HTR1F: variants seen among roughly 807,000 people sequenced by gnomAD.
The protein encoded by HTR1F is 5-hydroxytryptamine (serotonin) receptor 1F, G protein-coupled.
HTR1F carries 17 observed loss-of-function variants against 24.0 expected under a neutral mutation model. The ratio of observed to expected loss-of-function variants is 0.71; its 90% confidence interval spans 0.48 to 1.06. HTR1F has a LOEUF of 1.06. Ranked by LOEUF, HTR1F falls within the 50% of genes least tolerant of loss-of-function variation. HTR1F has a pLI of 0.00. For synonymous variants in HTR1F, 186 were observed against 156.8 expected (o/e 1.19, Z -1.39); for missense variants, 391 against 427.8 (o/e 0.91, Z 0.76).
At chr3:87,874,540 AT>A (rs1705628261) in intron 2 of HTR1F, among the ~76,000 whole-genome samples, 1 of 152,078 alleles carries the variant, frequency 6.6e-6, no homozygotes, top group Non-Finnish European at 1.5e-5. Flanking sequence ...TAAAAGATTT[AT>A]TAATATTGTG....
chr3:87,946,547 A>T (rs1704709815), intron 2 of HTR1F, among the ~76,000 whole-genome samples: 1 of 151,430 alleles, frequency 6.6e-6, no homozygotes, highest in Non-Finnish European at 1.5e-5. Context: ...CACTAAAAAA[A>T]ATTTAATGTA....
intron 2 of HTR1F, among the ~76,000 whole-genome samples, chr3:87,917,608 C>G (rs1209540700): frequency 6.6e-6 from 1 of 151,708 alleles, no homozygotes; most frequent in Non-Finnish European, 1.5e-5. Flanking sequence ...AACTAGAAAA[C>G]CAAGAATAGA....
At chr3:87,804,949 A>T (rs933329566) in intron 1 of HTR1F, among the ~76,000 whole-genome samples, 1 of 152,122 alleles carries the variant, frequency 6.6e-6, no homozygotes, top group Non-Finnish European at 1.5e-5. Context: ...GCTGAAATTC[A>T]TATTTATATA....
rs373080175 is a variant in HTR1F, at chr3:87,991,471, T to C, written c.722T>C (p.Val241Ala). 3.7e-6 allele frequency: 6 copies of C among 1,614,054 alleles called. No homozygotes were observed. The highest frequency in any genetic ancestry group is 5.1e-6 in the Non-Finnish European group (6 of 1,179,982). Residue 241 changes from valine (V) to alanine (A), a missense_variant, in exon 3 of 3, where the codon GTT becomes GCT. Transcript: ENST00000319595. ...LESGEKSTKSVSTSYVLEKSL... is the reference protein window; with the variant it reads ...LESGEKSTKSASTSYVLEKSL... Reference sequence around the variant, plus strand: ...AGTGGTGAGAAAAGCACTAAATCAGTTTCCACATCCTATGTACTAGAAAAG... The same window carrying C: ...AGTGGTGAGAAAAGCACTAAATCAGCTTCCACATCCTATGTACTAGAAAAG...
chr3:87,935,814 G>GA (rs900137691), intron 2 of HTR1F, among the ~76,000 whole-genome samples: 44 of 148,888 alleles, frequency 3.0e-4, no homozygotes, highest in East Asian at 9.8e-4. Context: ...TATTTCTTCT[G>GA]AAAAAAAAAA....
chr3:87,817,572 C>T (rs1704273448), intron 1 of HTR1F, among the ~76,000 whole-genome samples: 3 of 152,134 alleles, frequency 2.0e-5, no homozygotes, highest in Admixed American at 2.0e-4. Context: ...TGTTGCATTA[C>T]CGAGTGCTCT....
intron 2 of HTR1F, among the ~76,000 whole-genome samples, chr3:87,926,752 C>T (rs2107392057): frequency 1.3e-5 from 2 of 152,132 alleles, no homozygotes; most frequent in Middle Eastern, 6.8e-3. Context: ...CACTTGGGTT[C>T]ATATTACTAA....
chr3:87,823,757 G>A (rs368646609), intron 2 of HTR1F, among the ~76,000 whole-genome samples: 14 of 151,664 alleles, frequency 9.2e-5, no homozygotes, highest in African/African-American at 3.1e-4. Flanking sequence ...GGGATTACAG[G>A]CTTTAAAAAA....
chr3:87,825,841 T>G (rs1285968591), intron 2 of HTR1F, among the ~76,000 whole-genome samples: 1 of 151,734 alleles, frequency 6.6e-6, no homozygotes, highest in Non-Finnish European at 1.5e-5. Flanking sequence ...ACAGAAAGAG[T>G]GTAAGTTGTG....
At chr3:87,822,799 A>G (rs1024182828) in intron 2 of HTR1F, among the ~76,000 whole-genome samples, 39 of 152,342 alleles carry the variant, frequency 2.6e-4, no homozygotes, top group African/African-American at 7.9e-4. Flanking sequence ...AAATGAAACA[A>G]CATAATAAAT....
intron 1 of HTR1F, among the ~76,000 whole-genome samples, chr3:87,798,682 C>T (rs1348158661): frequency 6.6e-6 from 1 of 152,118 alleles, no homozygotes; most frequent in African/African-American, 2.4e-5. Context: ...TCCACTCCCA[C>T]GATCCCATGA....
intron 2 of HTR1F, among the ~76,000 whole-genome samples, chr3:87,888,270 G>T (rs182108996): frequency 6.6e-6 from 1 of 152,076 alleles, no homozygotes. Context: ...ATTGAACAAT[G>T]AGAACACTTG....
At chr3:87,970,314 T>C (rs1294293243) in intron 2 of HTR1F, among the ~76,000 whole-genome samples, 1 of 152,158 alleles carries the variant, frequency 6.6e-6, no homozygotes, top group Non-Finnish European at 1.5e-5. Flanking sequence ...TTAAAACACA[T>C]TGATGAGTTT....
chr3:87,824,419 C>T (rs1033851327), intron 2 of HTR1F, among the ~76,000 whole-genome samples: 1 of 152,120 alleles, frequency 6.6e-6, no homozygotes, highest in East Asian at 1.9e-4. Flanking sequence ...GTAAAACAGG[C>T]CTTTTTACTT....
At chr3:87,919,204 A>T (rs1037573683) in intron 2 of HTR1F, among the ~76,000 whole-genome samples, 1 of 152,118 alleles carries the variant, frequency 6.6e-6, no homozygotes, top group Non-Finnish European at 1.5e-5. Flanking sequence ...CTCATCTCTC[A>T]CCTTATATAA....
At chr3:87,975,019 C>T (rs1320785284) in intron 2 of HTR1F, among the ~76,000 whole-genome samples, 2 of 152,084 alleles carry the variant, frequency 1.3e-5, no homozygotes. Flanking sequence ...ATCCAACATA[C>T]TCTATAATAT....
intron 2 of HTR1F, among the ~76,000 whole-genome samples, chr3:87,976,553 T>C (rs796828881): frequency 6.6e-5 from 10 of 152,308 alleles, no homozygotes; most frequent in African/African-American, 2.4e-4. Context: ...AATTTTCTTT[T>C]GAACATCACA....
intron 2 of HTR1F, among the ~76,000 whole-genome samples, chr3:87,871,001 A>AAATCACGT (rs1397293155): frequency 1.3e-5 from 2 of 151,898 alleles, no homozygotes; most frequent in Non-Finnish European, 2.9e-5. Flanking sequence ...AAAAAAAAAA[A>AAATCACGT]AATCACGTGA....
chr3:87,870,453 A>G (rs188710291), intron 2 of HTR1F, among the ~76,000 whole-genome samples: 4 of 152,246 alleles, frequency 2.6e-5, no homozygotes, highest in African/African-American at 9.6e-5. Context: ...CCAAGCCAAG[A>G]ACAACTGAAA....
Sources: gnomAD v4.1 joint callset for allele counts (sites outside exome capture counted in the v4.1 genomes callset) on GRCh38, gnomAD v4.1.1 for gene constraint, MANE v1.5 for transcripts, NCBI Gene and HGNC (gene_info 2026-07-23, HGNC 2026-07-21) for gene names.